Variants in ARHGAP32 observed in about 807,000 individuals in gnomAD.
The protein encoded by ARHGAP32 is rho GTPase-activating protein 32.
A neutral mutation model predicts 186.5 loss-of-function variants in ARHGAP32; 51 were observed. The observed-to-expected ratio is 0.27, with a 90% CI of 0.22 to 0.35. The LOEUF (loss-of-function observed/expected upper bound fraction) is 0.35. ARHGAP32 is among the 10% of genes least tolerant of loss of function. The probability of loss-of-function intolerance (pLI) is 1.00; values close to 1 mark genes in which losing one functional copy is unlikely to be tolerated. For missense variants in ARHGAP32, 2,186 were observed against 2,623.5 expected, an observed-to-expected ratio of 0.83 and a Z score of 3.64; for synonymous variants, 950 against 964.3, an observed-to-expected ratio of 0.99 and a Z score of 0.27.
intron 1 of ARHGAP32, among the ~76,000 whole-genome samples, chr11:129,270,860 A>T (rs1945464775): frequency 6.6e-6 from 1 of 151,994 alleles, no homozygotes; most frequent in Non-Finnish European, 1.5e-5. Flanking sequence ...GGACCACATA[A>T]TTTTTTGCTG....
At chr11:129,044,308 A>G (rs1208502240) in intron 10 of ARHGAP32, among the ~76,000 whole-genome samples, 1 of 152,218 alleles carries the variant, frequency 6.6e-6, no homozygotes, top group East Asian at 1.9e-4. Context: ...TAGTAACAAC[A>G]TGATCTATTA....
intron 15 of ARHGAP32, 143 bp downstream of exon 15, chr11:128,985,854 GTGTGTA>G (rs1166392828): frequency 3.4e-3 from 403 of 119,908 alleles, no homozygotes; most frequent in African/African-American, 5.6e-3. Context: ...GTGTGTGTGT[GTGTGTA>G]TATATATATA....
chr11:129,266,704 T>C (rs919831522), intron 1 of ARHGAP32, among the ~76,000 whole-genome samples: 2 of 152,284 alleles, frequency 1.3e-5, no homozygotes, highest in African/African-American at 2.4e-5. Flanking sequence ...ACCTAAACAA[T>C]GGCACCCATC....
At chr11:129,167,358 C>T (rs1321227234) in intron 1 of ARHGAP32, among the ~76,000 whole-genome samples, 2 of 148,430 alleles carry the variant, frequency 1.3e-5, no homozygotes, top group East Asian at 2.0e-4. Flanking sequence ...CCAAGCAATT[C>T]TACTCCTGGT....
chr11:129,254,981 T>C (rs1003297839), intron 1 of ARHGAP32, among the ~76,000 whole-genome samples: 2 of 152,128 alleles, frequency 1.3e-5, no homozygotes, highest in Non-Finnish European at 2.9e-5. Context: ...AATGCCAGTA[T>C]TTCAGTCAGC....
At chr11:129,023,395 A>T (rs1056402593) in intron 11 of ARHGAP32, among the ~76,000 whole-genome samples, 1 of 152,198 alleles carries the variant, frequency 6.6e-6, no homozygotes, top group Non-Finnish European at 1.5e-5. Context: ...ACAGTCTACC[A>T]AATTATTTTA....
Position 129,164,388 on chromosome 11 carries a change from A to C in ARHGAP32, c.156T>G (p.Phe52Leu). ...GTACATTTCTATGTAGCTCTGGAACAAAATCATCTTCTTCAGAATGTACTG... is the reference window on the plus strand; with the variant it reads ...GTACATTTCTATGTAGCTCTGGAACCAAATCATCTTCTTCAGAATGTACTG... ...KSSVHSEEDDFVPELHRNVHP... is the reference protein window; with the variant it reads ...KSSVHSEEDDLVPELHRNVHP... The change falls in exon 2 of 23, where the codon TTT becomes TTG. Residue 52 changes from phenylalanine to leucine, a missense_variant. Around this residue, in one of 5 missense-constraint regions of ARHGAP32, gnomAD observed 108 missense variants for 116.8 expected, o/e 0.92. Transcript: ENST00000682385. 3 of 1,577,886 alleles carry C rather than the reference A, an allele frequency of 1.9e-6. No homozygotes were observed. Among genetic ancestry groups the C allele is most frequent in the Non-Finnish European group, 1.7e-6 (2 of 1,160,212 alleles).
At chr11:129,214,738 C>A (rs527997514) in intron 1 of ARHGAP32, among the ~76,000 whole-genome samples, 1 of 152,200 alleles carries the variant, frequency 6.6e-6, no homozygotes, top group East Asian at 1.9e-4. Flanking sequence ...CATTTGCTTA[C>A]GCGTGACTTC....
At chr11:129,159,934 C>T (rs1256686592) in intron 2 of ARHGAP32, among the ~76,000 whole-genome samples, 3 of 151,718 alleles carry the variant, frequency 2.0e-5, no homozygotes, top group Admixed American at 1.3e-4. Context: ...AATCAATAAG[C>T]ATAATCCATC....
At position 128,973,198 on chromosome 11, in the gene ARHGAP32, GAGT is replaced by G. The variant is rs1247165147; in HGVS notation, c.3305_3307del (p.Tyr1102del). On this transcript the variant is annotated inframe_deletion, in exon 22 of 23. Transcript: ENST00000682385. ...ATAGGCCTTATCTAGAGCAACTGCAGAGTAAGAACTGGACAGATTATCTTCAGT... is the reference window on the plus strand; with the variant it reads ...ATAGGCCTTATCTAGAGCAACTGCAGAAGAACTGGACAGATTATCTTCAGT... 2 of 1,614,208 alleles carry G rather than the reference GAGT, an allele frequency of 1.2e-6. No homozygotes were observed. The highest frequency in any genetic ancestry group is 1.7e-6 in the Non-Finnish European group (2 of 1,180,040).
At chr11:129,260,546 A>G (rs1291909433) in intron 1 of ARHGAP32, among the ~76,000 whole-genome samples, 1 of 152,186 alleles carries the variant, frequency 6.6e-6, no homozygotes, top group Non-Finnish European at 1.5e-5. Flanking sequence ...GTCTTAAAAA[A>G]TAAGCTCCTC....
chr11:129,011,396 T>G (rs904264868), intron 11 of ARHGAP32, among the ~76,000 whole-genome samples: 1 of 152,148 alleles, frequency 6.6e-6, no homozygotes, highest in African/African-American at 2.4e-5. Context: ...TAATATCAGA[T>G]TATTTATAGT....
chr11:129,077,368 C>A (rs754773278), intron 6 of ARHGAP32, among the ~76,000 whole-genome samples: 3 of 152,084 alleles, frequency 2.0e-5, no homozygotes, highest in East Asian at 3.9e-4. Flanking sequence ...GAAAGCCCTG[C>A]GTGTTTTCTC....
intron 13 of ARHGAP32, among the ~76,000 whole-genome samples, chr11:128,987,554 T>C (rs992489129): frequency 7.2e-5 from 11 of 152,158 alleles, no homozygotes; most frequent in East Asian, 5.8e-4. Flanking sequence ...AAATAAAATA[T>C]TGCAGGCACA....
At chr11:129,216,491 G>A (rs971167759) in intron 1 of ARHGAP32, among the ~76,000 whole-genome samples, 3 of 151,702 alleles carry the variant, frequency 2.0e-5, no homozygotes, top group Non-Finnish European at 1.5e-5. Flanking sequence ...AGATCAGCCT[G>A]GTGAAATCCT....
chr11:129,010,310 G>A (rs1160690846), intron 11 of ARHGAP32, among the ~76,000 whole-genome samples: 1 of 152,084 alleles, frequency 6.6e-6, no homozygotes, highest in African/African-American at 2.4e-5. Context: ...GATCCCATTG[G>A]TCAATTTTTG....
At chr11:129,228,543 T>C (rs1415508792) in intron 1 of ARHGAP32, among the ~76,000 whole-genome samples, 2 of 152,186 alleles carry the variant, frequency 1.3e-5, no homozygotes, top group Admixed American at 6.6e-5. Flanking sequence ...AGGAAAGAGA[T>C]CATGTCCTTT....
rs77660890 is a variant in ARHGAP32 at position 129,228,074 on chromosome 11, G to A, written c.-5+51072C>T. ...GAACAAAATTAGAGATTAATAACAA[G>A]GAGATCTGAGAGATATACAAGTAAG... On this transcript the variant is annotated intron_variant, in intron 1 of 6. Coordinates refer to the ARHGAP32 transcript ENST00000525234. Among the ~76,000 whole-genome samples, 1,098 of 152,110 alleles carry A rather than the reference G, an allele frequency of 7.2e-3. 11 individuals carry two copies. Among genetic ancestry groups the A allele is most frequent in the Middle Eastern group, 0.024 (7 of 294 alleles).
intron 1 of ARHGAP32, among the ~76,000 whole-genome samples, chr11:129,191,559 A>C (rs930254950): frequency 6.6e-6 from 1 of 152,058 alleles, no homozygotes; most frequent in African/African-American, 2.4e-5. Context: ...CATGAGATAC[A>C]AGATCAGAGA....
Sources: allele counts gnomAD v4.1 joint callset (sites outside exome capture counted in the v4.1 genomes callset), GRCh38; gene constraint gnomAD v4.1.1; regional missense constraint gnomAD v4.1.1; transcripts MANE v1.5; gene names NCBI Gene and HGNC (gene_info 2026-07-23, HGNC 2026-07-21).